Variants in MECOM observed in about 807,000 individuals in gnomAD.
MECOM encodes the protein histone-lysine N-methyltransferase MECOM.
In MECOM, 13 loss-of-function variants were observed where a neutral mutation model predicts 116.3. The ratio of observed to expected loss-of-function variants is 0.11; its 90% CI spans 0.07 to 0.18. The LOEUF (loss-of-function observed/expected upper bound fraction) is 0.18. MECOM is among the 10% of genes least tolerant of loss of function. MECOM has a pLI of 1.00. For missense variants in MECOM, 1,299 were observed against 1,509.0 expected, an observed-to-expected ratio of 0.86 and a Z score of 2.31; for synonymous variants, 528 against 535.2, an observed-to-expected ratio of 0.99 and a Z score of 0.19.
chr3:169,337,724 T>A (rs1371473344), intron 2 of MECOM, among the ~76,000 whole-genome samples: 1 of 152,170 alleles, frequency 6.6e-6, no homozygotes, highest in East Asian at 1.9e-4. Context: ...TTCCTGGAAC[T>A]GAATCCTTAT....
intron 1 of MECOM, among the ~76,000 whole-genome samples, chr3:169,654,739 A>G (rs1195692836): frequency 3.3e-5 from 5 of 152,162 alleles, no homozygotes; most frequent in African/African-American, 1.2e-4. Context: ...AAGACACAAC[A>G]TAGTTGTAAA....
intron 1 of MECOM, among the ~76,000 whole-genome samples, chr3:169,457,745 C>T (rs1261072425): frequency 6.6e-6 from 1 of 152,128 alleles, no homozygotes; most frequent in Non-Finnish European, 1.5e-5. Flanking sequence ...ACCTGTAATG[C>T]CATCAGTCTT....
chr3:169,633,812 A>C (rs183505959), intron 1 of MECOM, among the ~76,000 whole-genome samples: 2 of 152,124 alleles, frequency 1.3e-5, no homozygotes, highest in African/African-American at 4.8e-5. Flanking sequence ...GAAACAGCCT[A>C]AGACAAGCAA....
intron 2 of MECOM, among the ~76,000 whole-genome samples, chr3:169,267,190 T>C (rs1424817578): frequency 6.6e-6 from 1 of 152,256 alleles, no homozygotes; most frequent in Non-Finnish European, 1.5e-5. Context: ...CCAGGGTTCC[T>C]GAGAACATCA....
intron 1 of MECOM, among the ~76,000 whole-genome samples, chr3:169,390,696 G>A (rs1380233829): frequency 6.6e-6 from 1 of 152,152 alleles, no homozygotes; most frequent in Non-Finnish European, 1.5e-5. Flanking sequence ...TGTGAAATGA[G>A]AGCCCCAACT....
chr3:169,327,639 C>CAAAAAAA (rs771134017), intron 2 of MECOM, among the ~76,000 whole-genome samples: 1 of 69,542 alleles, frequency 1.4e-5, no homozygotes, highest in Non-Finnish European at 2.8e-5. Context: ...GACTGTGTCT[C>CAAAAAAA]AAAAAAAAAA....
At chr3:169,396,962 G>T (rs563798350) in intron 1 of MECOM, among the ~76,000 whole-genome samples, 2 of 152,116 alleles carry the variant, frequency 1.3e-5, no homozygotes, top group South Asian at 4.2e-4. Context: ...GACAGAGTGA[G>T]ACTTCATCTC....
At chr3:169,231,958 G>A (rs1753456381) in intron 2 of MECOM, among the ~76,000 whole-genome samples, 2 of 152,054 alleles carry the variant, frequency 1.3e-5, no homozygotes, top group Admixed American at 6.6e-5. Context: ...AGTCTTTTCA[G>A]CATCAAACAT....
intron 1 of MECOM, among the ~76,000 whole-genome samples, chr3:169,503,250 T>G (rs963117122): frequency 2.0e-5 from 3 of 152,126 alleles, no homozygotes; most frequent in Non-Finnish European, 4.4e-5. Flanking sequence ...TCAGAAACAC[T>G]AAAGAGAGAT....
At position 169,257,986 on chromosome 3, in the gene MECOM, C is replaced by T. The variant is rs1227597060; in HGVS notation, c.376-114154G>A. Reference sequence around the variant, plus strand: ...CCGCAATATCAGCACTTTGGGAGGCCAAGGCAGGCGGATAACTTTAGGTCA... The same window carrying T: ...CCGCAATATCAGCACTTTGGGAGGCTAAGGCAGGCGGATAACTTTAGGTCA... On this transcript the variant is annotated intron_variant, in intron 2 of 16. Transcript: ENST00000651503. Among the ~76,000 whole-genome samples the T allele has an allele frequency of 2.0e-5, 3 of 152,130 alleles. No individual in the cohort carries two copies. In the East Asian group the frequency reaches 5.8e-4, roughly 29 times the overall value.
At chr3:169,113,954 T>C (rs988844867) in intron 8 of MECOM, among the ~76,000 whole-genome samples, 2 of 152,044 alleles carry the variant, frequency 1.3e-5, no homozygotes, top group African/African-American at 4.8e-5. Flanking sequence ...TAGGTCTTAA[T>C]TGAGACAAGC....
At chr3:169,307,893 A>C (rs1718012827) in intron 2 of MECOM, among the ~76,000 whole-genome samples, 2 of 151,152 alleles carry the variant, frequency 1.3e-5, no homozygotes, top group South Asian at 2.1e-4. Context: ...CTACTTCTCC[A>C]CTCTCATTTC....
intron 1 of MECOM, among the ~76,000 whole-genome samples, chr3:169,393,885 T>C (rs372697014): frequency 3.3e-5 from 5 of 152,294 alleles, no homozygotes; most frequent in Admixed American, 6.5e-5. Flanking sequence ...TTCAATTTAT[T>C]CATCTAAACA....
intron 2 of MECOM, among the ~76,000 whole-genome samples, chr3:169,203,610 T>G (rs1214021426): frequency 6.6e-6 from 1 of 152,120 alleles, no homozygotes; most frequent in African/African-American, 2.4e-5. Context: ...CTCCTTTAAA[T>G]AACCATTAAA....
chr3:169,143,860 A>T, intron 2 of MECOM, 28 bp from the exon 3 acceptor site: 1 of 1,573,096 alleles, frequency 6.4e-7, no homozygotes. Context: ...AGAACAATCA[A>T]TTGCCATATT....
At chr3:169,185,369 A>AGGG (rs1448114456) in intron 2 of MECOM, among the ~76,000 whole-genome samples, 1 of 152,206 alleles carries the variant, frequency 6.6e-6, no homozygotes, top group Non-Finnish European at 1.5e-5. Flanking sequence ...AGAGTCCAAG[A>AGGG]GGCAAGAATT....
At chr3:169,154,134 A>G (rs1358272087) in intron 2 of MECOM, among the ~76,000 whole-genome samples, 1 of 151,966 alleles carries the variant, frequency 6.6e-6, no homozygotes, top group Non-Finnish European at 1.5e-5. Flanking sequence ...GTTCTGTTCT[A>G]CCCACTGTGT....
At chr3:169,331,141 A>C (rs1261357757) in intron 2 of MECOM, among the ~76,000 whole-genome samples, 1 of 152,146 alleles carries the variant, frequency 6.6e-6, no homozygotes, top group Admixed American at 6.6e-5. Context: ...TTTAATCCTT[A>C]TACCACTACC....
intron 1 of MECOM, among the ~76,000 whole-genome samples, chr3:169,489,807 T>A: frequency 6.6e-6 from 1 of 152,196 alleles, no homozygotes; most frequent in East Asian, 1.9e-4. Context: ...AGCTTTATAA[T>A]ATCAGTCAAA....
Sources: gnomAD v4.1 joint callset for allele counts (sites outside exome capture counted in the v4.1 genomes callset) on GRCh38, gnomAD v4.1.1 for gene constraint, MANE v1.5 for transcripts, NCBI Gene and HGNC (gene_info 2026-07-23, HGNC 2026-07-21) for gene names.